The following ZSWIM4 variants were observed in gnomAD, a reference collection of about 807,000 sequenced individuals.
ZSWIM4 encodes zinc finger SWIM domain-containing protein 4.
In ZSWIM4, 62 loss-of-function variants were observed where a neutral mutation model predicts 102.5. That is an observed-to-expected ratio of 0.60 (90% CI 0.49 to 0.75). The LOEUF (loss-of-function observed/expected upper bound fraction) is 0.75. Among genes scored for constraint, ZSWIM4 ranks in the 30% least tolerant of loss-of-function variants. ZSWIM4 has a pLI of 0.00. For synonymous variants in ZSWIM4, 652 were observed against 674.5 expected, an observed-to-expected ratio of 0.97 and a Z score of 0.52; for missense variants, 1,280 against 1,529.6, an observed-to-expected ratio of 0.84 and a Z score of 2.72.
rs74181840 is a variant in ZSWIM4 at position 13,825,044 on chromosome 19, CTTT to C, written c.2216-494_2216-492del. Among the ~76,000 whole-genome samples, 1,490 of 106,602 alleles carry C rather than the reference CTTT, an allele frequency of 0.014. 18 individuals carry two copies. The highest frequency in any genetic ancestry group is 0.055 in the African/African-American group (1,434 of 25,900). The allele number at this position is 106,602 out of a possible 152,430, so 69.9% of individuals were successfully genotyped here. A position where few individuals can be genotyped will look rare whatever the true frequency, so the allele number is the denominator to read the frequency against. ...AGGATCCCTAGGTGGCTTTTCTTTT[CTTT>C]TTTTTTTTTTTGAGATGGATATTAC... On this transcript the variant is annotated intron_variant, in intron 11 of 13. Coordinates refer to ENST00000590508, the MANE Select transcript of ZSWIM4 (RefSeq NM_001367834.3). This position sits in a 1 kb window ranked among gnomAD's most constrained non-coding sequence, Gnocchi z 4.6.
At position 13,825,499 on chromosome 19, in the gene ZSWIM4, G is replaced by T. The variant is rs771247904; in HGVS notation, c.2216-51G>T. The T allele has an allele frequency of 6.3e-7, 1 of 1,587,190 alleles. No individual in the cohort carries two copies. Among genetic ancestry groups the T allele is most frequent in the Non-Finnish European group, 8.6e-7 (1 of 1,162,064 alleles). ...TGAACAGGTCGGGTGGTGGTCAGAG[G>T]CTGGTGCTGAGGTGTATCCGATGGT... On this transcript the variant is annotated intron_variant, in intron 11 of 13. Coordinates refer to ENST00000590508, the MANE Select transcript of ZSWIM4 (RefSeq NM_001367834.3). This position sits in a 1 kb window ranked among gnomAD's most constrained non-coding sequence, Gnocchi z 4.6.
intron 10 of ZSWIM4, 38 bp from the exon 11 acceptor site, chr19:13,823,308 G>T: frequency 6.3e-7 from 1 of 1,584,172 alleles, no homozygotes; most frequent in Non-Finnish European, 8.6e-7. Flanking sequence ...GGGGACAGCA[G>T]CCCCTCCTCA....
chr19:13,818,126 C>A (rs984688471), intron 9 of ZSWIM4, 150 bp downstream of exon 9: 20 of 1,321,808 alleles, frequency 1.5e-5, no homozygotes, highest in Non-Finnish European at 1.9e-5. Flanking sequence ...CATACCTTGG[C>A]AGTTTCTAAA....
At chr19:13,807,786 GATGGATGGGTGT>G (rs1168771557) in intron 3 of ZSWIM4, among the ~76,000 whole-genome samples, 2,685 of 151,892 alleles carry the variant, frequency 0.018, 74 homozygotes, top group African/African-American at 0.062. Flanking sequence ...TGGATGGATG[GATGGATGGGTGT>G]ATGGGTGTAT....
In ZSWIM4 at chr19:13,817,927, T is replaced by C; in HGVS notation, c.1875T>C (p.Asp625=). ...LLALLEEVEL[D]ERLVQVLRKQ... The stretch of plus-strand genomic sequence containing the variant: ...CCCTGCTGGAGGAGGTGGAGTTGGA[T>C]GAGCGGTTGGTGCAGGTGCTGCGCA... Residue 625 remains aspartate (D), a synonymous_variant, in exon 9 of 14, where the codon GAT becomes GAC. Coordinates refer to ENST00000590508, the MANE Select transcript of ZSWIM4 (RefSeq NM_001367834.3). 6.5e-7 allele frequency: 1 copy of C among 1,544,688 alleles called. No individual in the cohort carries two copies. The highest frequency in any genetic ancestry group is 2.0e-5 in the Admixed American group (1 of 50,642).
Position 13,813,034 on chromosome 19 carries a change from CA to C in ZSWIM4, c.1053del (p.Lys351AsnfsTer152). 6.2e-7 allele frequency: 1 copy of C among 1,613,826 alleles called. No homozygotes were observed. Among genetic ancestry groups the C allele is most frequent in the Non-Finnish European group, 8.5e-7 (1 of 1,179,870 alleles). ...WVCVVLSPHC[K>X]PEERAGWLQL... The stretch of plus-strand genomic sequence containing the variant: ...TTTGCGTCGTCCTGAGCCCCCACTG[CA>C]AACCAGAGGAAAGGGCAGGCTGGCT... On this transcript the variant is annotated frameshift_variant, in exon 6 of 14. Transcript: ENST00000590508. LOFTEE classifies it high-confidence loss of function.
intron 2 of ZSWIM4, among the ~76,000 whole-genome samples, chr19:13,801,973 ATTT>A (rs543183681): frequency 0.39 from 36,354 of 93,110 alleles, 6,797 homozygotes; most frequent in African/African-American, 0.61. Context: ...CCAGCTTAGA[ATTT>A]TTTTTTTTTT....
In ZSWIM4 at chr19:13,823,420, G is replaced by A. The variant is rs897186419; in HGVS notation, c.2135G>A (p.Arg712His). 2.0e-5 allele frequency: 32 copies of A among 1,607,238 alleles called. No homozygotes were observed. Among genetic ancestry groups the A allele is most frequent in the African/African-American group, 1.1e-4 (8 of 74,708 alleles). The change falls in exon 11 of 14, where the codon CGC (arginine) becomes CAC (histidine). Residue 712 changes from arginine to histidine, a missense_variant. Arg to His is a conservative substitution (Grantham distance 29). Coordinates refer to ENST00000590508, the MANE Select transcript of ZSWIM4 (RefSeq NM_001367834.3). ...CCGCTGGACTCCATCATGAGCAACC[G>A]CTTCCCCCGCTGGTTCATCCTTGGC... is the stretch of plus-strand genomic sequence containing the variant. ...PSPLDSIMSN[R>H]FPRWFILGHL... is the part of the protein sequence containing the mutation.
At position 13,825,862 on chromosome 19, in the gene ZSWIM4, T is replaced by A; in HGVS notation, c.2379+149T>A. The A allele has an allele frequency of 8.5e-7, 1 of 1,179,568 alleles. No homozygotes were observed. The highest frequency in any genetic ancestry group is 1.2e-6 in the Non-Finnish European group (1 of 860,570). The allele number at this position is 1,179,568 out of a possible 1,614,324, so 73.1% of individuals were successfully genotyped here. Reference sequence around the variant, plus strand: ...GAGCTATTCCTCTGTGGCTGGGGACTGAGCGAGAACCACTCTTGGGGCGGG... The same window carrying A: ...GAGCTATTCCTCTGTGGCTGGGGACAGAGCGAGAACCACTCTTGGGGCGGG... On this transcript the variant is annotated intron_variant, in intron 12 of 13. Coordinates refer to ENST00000590508, the MANE Select transcript of ZSWIM4 (RefSeq NM_001367834.3). The surrounding 1 kb of genome is among the most constrained non-coding windows in gnomAD (Gnocchi z 4.6).
chr19:13,796,773 G>A (rs1363690588), intron 1 of ZSWIM4: 1 of 152,274 alleles, frequency 6.6e-6, no homozygotes, highest in Non-Finnish European at 1.5e-5. Flanking sequence ...GGGCCCCCAA[G>A]GAACTGGAGA....
At chr19:13,828,582 C>T (rs1323497598) in intron 12 of ZSWIM4, 63 bp from the exon 13 acceptor site, 5 of 1,491,070 alleles carry the variant, frequency 3.4e-6, no homozygotes, top group African/African-American at 2.8e-5. Flanking sequence ...CATCTCCCAA[C>T]GCCCCTCCAT....
At chr19:13,799,664 C>G (rs909363345) in intron 1 of ZSWIM4, 56 bp from the exon 2 acceptor site, 6 of 1,573,318 alleles carry the variant, frequency 3.8e-6, no homozygotes, top group Middle Eastern at 3.3e-4. Flanking sequence ...CTAAGCTTCC[C>G]AAAGCGCTGG....
chr19:13,800,380 C>T (rs1974736159), intron 2 of ZSWIM4, among the ~76,000 whole-genome samples: 1 of 150,190 alleles, frequency 6.7e-6, no homozygotes, highest in African/African-American at 2.4e-5. Flanking sequence ...ATTCTCCTGC[C>T]TCAGCCTCCC....
intron 13 of ZSWIM4, among the ~76,000 whole-genome samples, chr19:13,829,651 C>T (rs942893406): frequency 1.2e-4 from 18 of 151,790 alleles, no homozygotes; most frequent in African/African-American, 4.1e-4. Context: ...GGTGAAACCC[C>T]GTCTCTACTA....
Position 13,830,761 on chromosome 19 carries a change from G to A in ZSWIM4, c.3032G>A (p.Gly1011Asp). 1.2e-6 allele frequency: 2 copies of A among 1,606,144 alleles called. No homozygotes were observed. The highest frequency in any genetic ancestry group is 1.7e-6 in the Non-Finnish European group (2 of 1,176,732). The change falls in exon 14 of 14, where the codon GGC becomes GAC. Residue 1011 changes from glycine to aspartate, a missense_variant. Transcript: ENST00000590508. ...TGGACTCTCTCGGCGCCCGGTCTGG[G>A]CCCCTTAGGGGCACGCCGGGCCGCC... Reference protein sequence around the residue: ...RRWTLSAPGLGPLGARRAAKP... With the variant: ...RRWTLSAPGLDPLGARRAAKP...
At chr19:13,803,085 A>C (rs1208665508) in intron 2 of ZSWIM4, among the ~76,000 whole-genome samples, 1 of 152,236 alleles carries the variant, frequency 6.6e-6, no homozygotes, top group Non-Finnish European at 1.5e-5. Flanking sequence ...GCAGCAGGCC[A>C]TTTCTCCCAG....
At chr19:13,814,424 C>A in intron 6 of ZSWIM4, 91 bp from the exon 7 acceptor site, 1 of 683,620 alleles carries the variant, frequency 1.5e-6, no homozygotes, top group Non-Finnish European at 1.9e-6. Flanking sequence ...CAGGCCTAAA[C>A]CCCAGTTAGT....
In ZSWIM4 at chr19:13,830,746, C is replaced by T. The variant is rs377500679; in HGVS notation, c.3017C>T (p.Ser1006Leu). The change falls in exon 14 of 14, where the codon TCG (serine) becomes TTG (leucine). Residue 1006 changes from serine (S) to leucine (L), a missense_variant. Ser to Leu is a moderately radical substitution (Grantham distance 145). Coordinates refer to ENST00000590508, the MANE Select transcript of ZSWIM4 (RefSeq NM_001367834.3). ...LSDILRRWTL[S>L]APGLGPLGAR... is the part of the protein sequence containing the mutation. ...GATATTCTGCGCCGCTGGACTCTCT[C>T]GGCGCCCGGTCTGGGCCCCTTAGGG... The T allele has an allele frequency of 7.5e-6, 12 of 1,607,476 alleles. No individual in the cohort carries two copies. The highest frequency in any genetic ancestry group is 2.2e-5 in the South Asian group (2 of 90,484).
chr19:13,830,435 C>T lies in ZSWIM4; in HGVS notation c.2706C>T (p.Phe902=), dbSNP rs781050746. The change falls in exon 14 of 14, where the codon TTC becomes TTT. Residue 902 remains phenylalanine (F), a synonymous_variant. Coordinates refer to ENST00000590508, the MANE Select transcript of ZSWIM4 (RefSeq NM_001367834.3). ...TGTGCGAGAAGAACCACTCGGCCTT[C>T]GAGGCGGCCTACCAGATCGTGCTGG... ...LTLCEKNHSA[F]EAAYQIVLDA... The T allele has an allele frequency of 1.1e-5, 18 of 1,609,188 alleles. No individual in the cohort carries two copies. The highest frequency in any genetic ancestry group is 1.7e-5 in the Admixed American group (1 of 60,014).
Sources: allele counts gnomAD v4.1 joint callset (sites outside exome capture counted in the v4.1 genomes callset), GRCh38; gene constraint gnomAD v4.1.1; non-coding constraint Gnocchi (gnomAD v3.1); transcripts MANE v1.5; gene names NCBI Gene and HGNC (gene_info 2026-07-23, HGNC 2026-07-21).